The following MALRD1 variants were observed in gnomAD, a reference collection of about 807,000 sequenced individuals.
MALRD1 encodes MAM and LDL receptor class A domain containing 1, also known as MAM and LDL-receptor class A domain-containing protein 1.
MALRD1 carries 247 observed loss-of-function variants against 242.1 expected under a neutral mutation model. The observed-to-expected ratio is 1.02, with a 90% CI of 0.92 to 1.13. MALRD1 has a LOEUF of 1.13. Ranked by LOEUF, MALRD1 falls within the 50% of genes most tolerant of loss-of-function variation. MALRD1 has a pLI of 0.00. For missense variants in MALRD1, 2,989 were observed against 2,533.1 expected (o/e 1.18, Z -3.86); for synonymous variants, 995 against 866.6 (o/e 1.15, Z -2.60).
intron 28 of MALRD1, among the ~76,000 whole-genome samples, chr10:19,442,366 G>A (rs1168201040): frequency 3.9e-5 from 6 of 152,010 alleles, no homozygotes; most frequent in Non-Finnish European, 7.4e-5. Flanking sequence ...TTGAATAGGA[G>A]TGGTGAGAGA....
chr10:19,389,612 A>G lies in MALRD1; in HGVS notation c.4845+3A>G, dbSNP rs150578568. On this transcript the variant is annotated splice_donor_region_variant and intron_variant, in intron 28 of 39. Transcript: ENST00000454679. ...GATCCATTCAGATTCTCATCAAGGTAGGAACATGGCCTGTGATGCCTCTGA... is the reference window on the plus strand; with the variant it reads ...GATCCATTCAGATTCTCATCAAGGTGGGAACATGGCCTGTGATGCCTCTGA... 29 of 1,549,152 alleles carry G rather than the reference A, an allele frequency of 1.9e-5. 1 individual carries two copies. In the East Asian group the frequency reaches 5.6e-4, roughly 30 times the overall value.
intron 2 of MALRD1, among the ~76,000 whole-genome samples, chr10:19,081,702 A>G (rs1835496929): frequency 6.6e-6 from 1 of 151,946 alleles, no homozygotes; most frequent in Non-Finnish European, 1.5e-5. Context: ...TGTGCAGCAA[A>G]CCACCGTGGC....
intron 5 of MALRD1, 25 bp downstream of exon 5, chr10:19,104,100 A>G: frequency 1.7e-6 from 2 of 1,162,616 alleles, no homozygotes; most frequent in Non-Finnish European, 2.2e-6. Flanking sequence ...TCTCATTTTG[A>G]TCTTTACTGT....
chr10:19,450,242 C>T, intron 28 of MALRD1, 65 bp from the exon 29 acceptor site: 2 of 1,367,288 alleles, frequency 1.5e-6, no homozygotes, highest in Non-Finnish European at 2.0e-6. Flanking sequence ...CTGGGTTTTG[C>T]CCCACACTGC....
intron 23 of MALRD1, among the ~76,000 whole-genome samples, chr10:19,329,321 G>T (rs1843263698): frequency 6.6e-6 from 1 of 152,078 alleles, no homozygotes; most frequent in African/African-American, 2.4e-5. Context: ...TCACAAAGAA[G>T]ACTGCCTCTA....
intron 38 of MALRD1, chr10:19,711,303 A>T (rs776644409): frequency 2.6e-5 from 4 of 152,230 alleles, no homozygotes; most frequent in Non-Finnish European, 4.4e-5. Flanking sequence ...TCAAAAAAGA[A>T]ACACATAAGT....
chr10:19,257,704 G>T lies in MALRD1; in HGVS notation c.3012G>T (p.Val1004=). Residue 1004 remains valine (V), a synonymous_variant, in exon 19 of 40, where the codon GTG becomes GTT. Transcript: ENST00000454679. ...TTTAGATATTGGTGGAGGCTTCAGT[G>T]GGAGATGGCTTCACTGGAGATATTG... The part of the protein sequence containing the change: ...QPFQILVEAS[V]GDGFTGDIAI... The T allele has an allele frequency of 1.9e-6, 3 of 1,540,160 alleles. No individual in the cohort carries two copies. Among genetic ancestry groups the T allele is most frequent in the Non-Finnish European group, 1.8e-6 (2 of 1,140,814 alleles).
chr10:19,434,279 T>G (rs888595639), intron 28 of MALRD1, among the ~76,000 whole-genome samples: 3 of 152,168 alleles, frequency 2.0e-5, no homozygotes, highest in African/African-American at 7.2e-5. Flanking sequence ...CTATCCAATG[T>G]GTATATTGAT....
intron 35 of MALRD1, among the ~76,000 whole-genome samples, chr10:19,608,572 C>G (rs1363295885): frequency 6.6e-6 from 1 of 151,468 alleles, no homozygotes; most frequent in Non-Finnish European, 1.5e-5. Flanking sequence ...ATAATTTTGT[C>G]CTAACTAAAG....
chr10:19,109,738 G>T (rs899551094), intron 5 of MALRD1, among the ~76,000 whole-genome samples: 1 of 152,200 alleles, frequency 6.6e-6, no homozygotes, highest in Non-Finnish European at 1.5e-5. Flanking sequence ...ATGCACTCTA[G>T]TCATGGCTCC....
intron 21 of MALRD1, among the ~76,000 whole-genome samples, chr10:19,283,891 A>G (rs1472496443): frequency 6.6e-6 from 1 of 152,230 alleles, no homozygotes; most frequent in Non-Finnish European, 1.5e-5. Flanking sequence ...CACTAGAAAT[A>G]AACGAGTGAC....
At chr10:19,707,232 C>T (rs1833908387) in intron 38 of MALRD1, among the ~76,000 whole-genome samples, 1 of 143,428 alleles carries the variant, frequency 7.0e-6, no homozygotes, top group Admixed American at 6.7e-5. Flanking sequence ...TCTCCTTCTC[C>T]TCCTTCTCCT....
intron 18 of MALRD1, among the ~76,000 whole-genome samples, chr10:19,212,780 G>A (rs536887742): frequency 2.8e-4 from 43 of 152,182 alleles, no homozygotes; most frequent in African/African-American, 1.0e-3. Context: ...GCTAATCTTA[G>A]CTATTTAAAA....
At chr10:19,426,874 AT>A (rs758282052) in intron 28 of MALRD1, among the ~76,000 whole-genome samples, 6 of 151,940 alleles carry the variant, frequency 3.9e-5, no homozygotes, top group African/African-American at 1.4e-4. Flanking sequence ...TTTTATATAT[AT>A]TTTTTTCCTT....
At chr10:19,281,668 T>C (rs1284425719) in intron 20 of MALRD1, among the ~76,000 whole-genome samples, 2 of 152,104 alleles carry the variant, frequency 1.3e-5, no homozygotes, top group African/African-American at 2.4e-5. Flanking sequence ...ATTTTGAAAA[T>C]TGTGATAAAA....
chr10:19,286,572 G>A (rs1841130802), intron 21 of MALRD1, among the ~76,000 whole-genome samples: 1 of 152,202 alleles, frequency 6.6e-6, no homozygotes, highest in Non-Finnish European at 1.5e-5. Context: ...AAATCTAGAA[G>A]AAATGGATAC....
At chr10:19,107,781 C>A (rs1836521241) in intron 5 of MALRD1, among the ~76,000 whole-genome samples, 1 of 148,760 alleles carries the variant, frequency 6.7e-6, no homozygotes, top group South Asian at 2.2e-4. Flanking sequence ...TTTTCTATTT[C>A]TCATTTGTTT....
intron 28 of MALRD1, among the ~76,000 whole-genome samples, chr10:19,433,891 C>T (rs547421019): frequency 5.9e-5 from 9 of 151,946 alleles, no homozygotes; most frequent in East Asian, 1.9e-4. Context: ...CACACACACG[C>T]GCACACACAC....
At chr10:19,444,677 A>G (rs559072637) in intron 28 of MALRD1, among the ~76,000 whole-genome samples, 2 of 152,308 alleles carry the variant, frequency 1.3e-5, no homozygotes, top group African/African-American at 4.8e-5. Context: ...GGAAAGATCC[A>G]TTGTTAATCT....
Sources: gnomAD v4.1 joint callset for allele counts (sites outside exome capture counted in the v4.1 genomes callset) on GRCh38, gnomAD v4.1.1 for gene constraint, MANE v1.5 for transcripts, NCBI Gene and HGNC (gene_info 2026-07-23, HGNC 2026-07-21) for gene names.